GRIN2A: variants seen among roughly 807,000 people sequenced by gnomAD.
GRIN2A encodes glutamate ionotropic receptor NMDA type subunit 2A.
In GRIN2A, 22 loss-of-function variants were observed where a neutral mutation model predicts 113.4. The ratio of observed to expected loss-of-function variants is 0.19; its 90% CI spans 0.14 to 0.28. The LOEUF (loss-of-function observed/expected upper bound fraction) is 0.28, where lower values mean the gene tolerates loss of function less well. Among genes scored for constraint, GRIN2A ranks in the 10% least tolerant of loss-of-function variants. The probability of loss-of-function intolerance (pLI) is 1.00; values close to 1 mark genes in which losing one functional copy is unlikely to be tolerated. For missense variants in GRIN2A, 1,502 were observed against 1,887.0 expected (o/e 0.80, Z 3.78); for synonymous variants, 827 against 738.4 (o/e 1.12, Z -1.94).
intron 2 of GRIN2A, among the ~76,000 whole-genome samples, chr16:10,009,419 A>C (rs558476802): frequency 6.6e-6 from 1 of 152,312 alleles, no homozygotes; most frequent in East Asian, 1.9e-4. Flanking sequence ...AATTTTTTCA[A>C]TGCAAAAGTA....
chr16:10,086,219 T>C (rs1039568158), intron 2 of GRIN2A, among the ~76,000 whole-genome samples: 1 of 152,166 alleles, frequency 6.6e-6, no homozygotes, highest in Admixed American at 6.5e-5. Flanking sequence ...GCAAAGTGCA[T>C]TGTTGGTGGT....
chr16:9,981,223 C>T (rs2045886044), intron 2 of GRIN2A, among the ~76,000 whole-genome samples: 1 of 152,180 alleles, frequency 6.6e-6, no homozygotes. Flanking sequence ...AGGATTCCTT[C>T]TATGATCTCA....
chr16:9,851,693 A>C (rs996370074), intron 4 of GRIN2A, among the ~76,000 whole-genome samples: 1 of 152,204 alleles, frequency 6.6e-6, no homozygotes, highest in Non-Finnish European at 1.5e-5. Context: ...TTTGAAGTCA[A>C]ACAGAACTAA....
chr16:9,994,910 T>C (rs2046193927), intron 2 of GRIN2A, among the ~76,000 whole-genome samples: 1 of 152,052 alleles, frequency 6.6e-6, no homozygotes, highest in African/African-American at 2.4e-5. Flanking sequence ...TTTCATCTGG[T>C]TTTAAGGGTT....
intron 4 of GRIN2A, among the ~76,000 whole-genome samples, chr16:9,874,564 C>T (rs543105977): frequency 1.6e-4 from 24 of 152,320 alleles, no homozygotes; most frequent in African/African-American, 5.8e-4. Context: ...AATTAAAGCA[C>T]TGACAGCCTT....
intron 2 of GRIN2A, among the ~76,000 whole-genome samples, chr16:10,168,893 C>T (rs190205829): frequency 9.2e-5 from 14 of 151,602 alleles, no homozygotes; most frequent in Middle Eastern, 3.4e-3. Context: ...TGAACCCAGG[C>T]GGCAGAGGTT....
chr16:9,936,006 G>C lies in GRIN2A; in HGVS notation c.1007+1953C>G, dbSNP rs543231609. Among the ~76,000 whole-genome samples the C allele has an allele frequency of 2.6e-4, 39 of 152,234 alleles. No homozygotes were observed. The South Asian group carries it at 4.8e-3, about 19-fold the overall frequency. ...CATGAGCTACCACACCCAGCCTGCT[G>C]ACTGTAATTTCTGATGACCAAAAAC... On this transcript the variant is annotated intron_variant, in intron 3 of 12. Coordinates refer to ENST00000330684, the MANE Select transcript of GRIN2A (RefSeq NM_001134407.3).
intron 7 of GRIN2A, among the ~76,000 whole-genome samples, chr16:9,840,120 A>T (rs2042647658): frequency 6.6e-6 from 1 of 152,152 alleles, no homozygotes; most frequent in African/African-American, 2.4e-5. Context: ...TCCATCTCAA[A>T]AAAATAAACT....
At chr16:10,055,213 C>T (rs112654226) in intron 2 of GRIN2A, among the ~76,000 whole-genome samples, 94 of 149,456 alleles carry the variant, frequency 6.3e-4, no homozygotes, top group African/African-American at 2.0e-3. Flanking sequence ...TATAGAAAAA[C>T]ACATTTATCA....
At chr16:10,049,823 C>G (rs1214782623) in intron 2 of GRIN2A, among the ~76,000 whole-genome samples, 2 of 152,126 alleles carry the variant, frequency 1.3e-5, no homozygotes, top group South Asian at 4.2e-4. Context: ...ACATTTTGTG[C>G]AATTTTTTTG....
chr16:9,821,864 C>G (rs1246170742), intron 10 of GRIN2A, among the ~76,000 whole-genome samples: 1 of 152,156 alleles, frequency 6.6e-6, no homozygotes, highest in Non-Finnish European at 1.5e-5. Flanking sequence ...TCATAAAGCT[C>G]CTACTAGCAA....
At chr16:10,055,967 C>T (rs1485103722) in intron 2 of GRIN2A, among the ~76,000 whole-genome samples, 1 of 152,198 alleles carries the variant, frequency 6.6e-6, no homozygotes, top group Admixed American at 6.5e-5. Flanking sequence ...ACTAAGCATA[C>T]TCCAGGCTAG....
At chr16:9,917,108 T>C (rs1355258386) in intron 3 of GRIN2A, among the ~76,000 whole-genome samples, 2 of 152,258 alleles carry the variant, frequency 1.3e-5, no homozygotes, top group Admixed American at 1.3e-4. Context: ...ATGACTTTTC[T>C]CCGGCTCTTT....
rs267604689 is a variant in GRIN2A at position 9,849,836 on chromosome 16, G to A, written c.1248C>T (p.Phe416=). 1.9e-6 allele frequency: 3 copies of A among 1,613,954 alleles called. No homozygotes were observed. The highest frequency in any genetic ancestry group is 2.2e-5 in the East Asian group (1 of 44,862). Reference sequence around the variant, plus strand: ...GGGGGTCTATGTCTTCCACGATGACGAATGGGGCCTCCTCCAGGGTGACGA... The same window carrying A: ...GGGGGTCTATGTCTTCCACGATGACAAATGGGGCCTCCTCCAGGGTGACGA... ...LSIVTLEEAP[F]VIVEDIDPLT... Residue 416 remains phenylalanine (F), a synonymous_variant, in exon 5 of 13, where the codon TTC becomes TTT. Coordinates refer to ENST00000330684, the MANE Select transcript of GRIN2A (RefSeq NM_001134407.3).
At chr16:10,178,609 C>A (rs2050197583) in intron 2 of GRIN2A, among the ~76,000 whole-genome samples, 2 of 152,214 alleles carry the variant, frequency 1.3e-5, no homozygotes, top group South Asian at 4.1e-4. Context: ...CTCAGCTACA[C>A]ACAGGAATTC....
chr16:9,880,119 T>A, intron 4 of GRIN2A, among the ~76,000 whole-genome samples: 1 of 152,100 alleles, frequency 6.6e-6, no homozygotes, highest in East Asian at 1.9e-4. Context: ...AAGGCCAAAA[T>A]CATGGCACTA....
At chr16:9,768,539 A>T (rs374505605) in intron 12 of GRIN2A, among the ~76,000 whole-genome samples, 1 of 152,178 alleles carries the variant, frequency 6.6e-6, no homozygotes, top group Admixed American at 6.5e-5. Context: ...ACATCATGCA[A>T]TTGGCCACAG....
chr16:9,905,294 G>T (rs1302562093), intron 3 of GRIN2A, among the ~76,000 whole-genome samples: 1 of 152,162 alleles, frequency 6.6e-6, no homozygotes, highest in Non-Finnish European at 1.5e-5. Flanking sequence ...AGGGGGACCT[G>T]ACCCATCAGA....
At chr16:10,159,244 T>C (rs558302506) in intron 2 of GRIN2A, among the ~76,000 whole-genome samples, 2 of 152,238 alleles carry the variant, frequency 1.3e-5, no homozygotes, top group East Asian at 3.9e-4. Flanking sequence ...CAAGGAAGGC[T>C]TGGACAACAG....
Sources: gnomAD v4.1 joint callset for allele counts (sites outside exome capture counted in the v4.1 genomes callset) on GRCh38, gnomAD v4.1.1 for gene constraint, MANE v1.5 for transcripts, NCBI Gene and HGNC (gene_info 2026-07-23, HGNC 2026-07-21) for gene names.